ADAMTSL1: variants seen among roughly 807,000 people sequenced by gnomAD.
The protein encoded by ADAMTSL1 is ADAMTS-like protein 1.
Under a neutral mutation model 201.8 loss-of-function variants are expected in ADAMTSL1, and 126 were observed. The observed-to-expected ratio is 0.62, with a 90% CI of 0.54 to 0.72. The LOEUF (loss-of-function observed/expected upper bound fraction) is 0.72, where lower values mean the gene tolerates loss of function less well. ADAMTSL1 is among the 30% of genes least tolerant of loss of function. The pLI is 0.00. For missense variants in ADAMTSL1, 2,679 were observed against 2,277.8 expected (o/e 1.18, Z -3.59); for synonymous variants, 1,121 against 903.4 (o/e 1.24, Z -4.32).
chr9:18,696,855 CAT>C lies in ADAMTSL1; in HGVS notation c.1575-9891_1575-9890del, dbSNP rs1483245998. On this transcript the variant is annotated intron_variant, in intron 13 of 28. Transcript: ENST00000380548. ...GTCTCATGAAAATATAAAATAATCA[CAT>C]GTCAAAAATATTATTATTATTATTA... 9.1e-5 allele frequency among the ~76,000 whole-genome samples: 8 copies of C among 88,090 alleles called. No homozygotes were observed. The East Asian group carries it at 2.5e-3, about 27-fold the overall frequency. 57.8% of individuals were successfully genotyped at this position (88,090 alleles called of 152,430 possible). A position where few individuals can be genotyped will look rare whatever the true frequency, so the allele number is the denominator to read the frequency against.
Position 18,478,513 on chromosome 9 carries a change from T to C in ADAMTSL1, c.63+4218T>C, listed in dbSNP as rs116706960. On this transcript the variant is annotated intron_variant, in intron 1 of 28. Coordinates refer to ENST00000380548, the MANE Select transcript of ADAMTSL1 (RefSeq NM_001040272.6). ...GTTCTTTAATTCTTCATATTTTCAG[T>C]GATTCTTAAATTCATATGTGTAGTT... Among the ~76,000 whole-genome samples the C allele has an allele frequency of 9.8e-3, 1,492 of 152,304 alleles. 22 individuals carry two copies. The highest frequency in any genetic ancestry group is 0.034 in the African/African-American group (1,406 of 41,566).
intron 2 of ADAMTSL1, among the ~76,000 whole-genome samples, chr9:18,222,811 A>C (rs1453179697): frequency 2.0e-5 from 3 of 151,932 alleles, no homozygotes; most frequent in Non-Finnish European, 2.9e-5. Flanking sequence ...CTAATTCTTG[A>C]AAAGTAGTTT....
chr9:18,753,464 C>T lies in ADAMTSL1; in HGVS notation c.2173C>T (p.Arg725Cys), dbSNP rs375869565. 52 of 1,613,264 alleles carry T rather than the reference C, an allele frequency of 3.2e-5. No individual in the cohort carries two copies. Among genetic ancestry groups the T allele is most frequent in the East Asian group, 1.1e-4 (5 of 44,856 alleles). The change falls in exon 16 of 29, where the codon CGC becomes TGC. Residue 725 changes from arginine (R) to cysteine (C), a missense_variant. Physicochemically the swap from Arg to Cys is radical, Grantham distance 180. Transcript: ENST00000380548. ...PKPSTVQACNRFNCPPAWYPA... is the reference protein window; with the variant it reads ...PKPSTVQACNCFNCPPAWYPA... The stretch of plus-strand genomic sequence containing the variant: ...GCCCAGCACGGTGCAAGCTTGTAAC[C>T]GCTTTAATTGCCCCCCAGCCTGGTA...
intron 3 of ADAMTSL1, among the ~76,000 whole-genome samples, chr9:18,535,086 T>G (rs1006339584): frequency 2.0e-5 from 3 of 152,130 alleles, no homozygotes; most frequent in Non-Finnish European, 4.4e-5. Flanking sequence ...AGAAAAAAAT[T>G]TTTTCTATTT....
At chr9:18,699,603 T>G (rs916240960) in intron 13 of ADAMTSL1, among the ~76,000 whole-genome samples, 9 of 152,202 alleles carry the variant, frequency 5.9e-5, no homozygotes, top group African/African-American at 1.9e-4. Flanking sequence ...ATGCTGGGAT[T>G]ACAAGTGTGA....
In ADAMTSL1 at chr9:18,474,254, A is replaced by C; in HGVS notation, c.22A>C (p.Thr8Pro). 6.2e-7 allele frequency: 1 copy of C among 1,613,332 alleles called. No individual in the cohort carries two copies. The highest frequency in any genetic ancestry group is 1.3e-5 in the African/African-American group (1 of 74,724). The change falls in exon 1 of 29, where the codon ACT becomes CCT. Residue 8 changes from threonine to proline, a missense_variant. Physicochemically the swap from Thr to Pro is conservative, Grantham distance 38. Coordinates refer to ENST00000380548, the MANE Select transcript of ADAMTSL1 (RefSeq NM_001040272.6). MECCRRA[T>P]PGTLLLFLAF... ...AAGCATGGAATGCTGCCGTCGGGCAACTCCTGGCACACTGCTCCTCTTTCT... is the reference window on the plus strand; with the variant it reads ...AAGCATGGAATGCTGCCGTCGGGCACCTCCTGGCACACTGCTCCTCTTTCT...
chr9:18,177,382 G>A (rs1028539585), intron 2 of ADAMTSL1, among the ~76,000 whole-genome samples: 8 of 152,300 alleles, frequency 5.3e-5, no homozygotes, highest in African/African-American at 1.9e-4. Flanking sequence ...AATAATGCAT[G>A]ACACTGATGG....
chr9:18,548,425 T>A (rs1455180002), intron 3 of ADAMTSL1, among the ~76,000 whole-genome samples: 1 of 152,058 alleles, frequency 6.6e-6, no homozygotes, highest in Non-Finnish European at 1.5e-5. Context: ...TCAAGAAAGC[T>A]GTGATGTGCC....
At chr9:18,560,601 G>T (rs1821420462) in intron 3 of ADAMTSL1, among the ~76,000 whole-genome samples, 1 of 151,658 alleles carries the variant, frequency 6.6e-6, no homozygotes, top group Admixed American at 6.6e-5. Context: ...GCTCCTCTTT[G>T]TACCTCTGGT....
intron 2 of ADAMTSL1, among the ~76,000 whole-genome samples, chr9:18,332,117 A>G (rs554683298): frequency 1.8e-4 from 27 of 152,284 alleles, no homozygotes; most frequent in African/African-American, 6.3e-4. Context: ...GAGGCAAGGA[A>G]CAATTCTTCT....
chr9:18,399,178 G>A (rs1339767564), intron 2 of ADAMTSL1, among the ~76,000 whole-genome samples: 2 of 150,392 alleles, frequency 1.3e-5, no homozygotes, highest in Admixed American at 6.6e-5. Flanking sequence ...TGTAAATCAA[G>A]GGTTGAAGAA....
intron 2 of ADAMTSL1, among the ~76,000 whole-genome samples, chr9:18,325,538 G>A (rs1214216792): frequency 2.0e-5 from 3 of 152,140 alleles, no homozygotes; most frequent in African/African-American, 7.2e-5. Flanking sequence ...GTCTGTTTTT[G>A]CTGCTATAGC....
At chr9:18,387,707 TG>T (rs2133208287) in intron 2 of ADAMTSL1, among the ~76,000 whole-genome samples, 1 of 152,290 alleles carries the variant, frequency 6.6e-6, no homozygotes, top group African/African-American at 2.4e-5. Context: ...AACTATAAAA[TG>T]GTTTTTTAGA....
intron 1 of ADAMTSL1, among the ~76,000 whole-genome samples, chr9:18,040,407 G>C (rs1251781243): frequency 6.6e-6 from 1 of 152,188 alleles, no homozygotes; most frequent in Non-Finnish European, 1.5e-5. Flanking sequence ...TGTTCCTACT[G>C]ACTGGTTGGT....
At chr9:18,251,637 A>G (rs1440607621) in intron 2 of ADAMTSL1, among the ~76,000 whole-genome samples, 3 of 152,198 alleles carry the variant, frequency 2.0e-5, no homozygotes, top group Admixed American at 6.5e-5. Context: ...CTCACATGGA[A>G]GAAAAAGGGT....
intron 3 of ADAMTSL1, among the ~76,000 whole-genome samples, chr9:18,569,606 G>T (rs142731297): frequency 3.3e-5 from 5 of 152,138 alleles, no homozygotes; most frequent in African/African-American, 1.2e-4. Context: ...GGGGCTGGAT[G>T]TGGGAGTCTG....
intron 16 of ADAMTSL1, among the ~76,000 whole-genome samples, chr9:18,768,848 G>A (rs754858975): frequency 6.6e-5 from 10 of 152,142 alleles, no homozygotes; most frequent in Non-Finnish European, 1.3e-4. Flanking sequence ...TCCTTTCCAT[G>A]TTTATTACCA....
chr9:18,329,017 C>G (rs1460588733), intron 2 of ADAMTSL1, among the ~76,000 whole-genome samples: 1 of 152,132 alleles, frequency 6.6e-6, no homozygotes, highest in African/African-American at 2.4e-5. Flanking sequence ...TTACATCCCT[C>G]CAAAATTTCC....
intron 4 of ADAMTSL1, among the ~76,000 whole-genome samples, chr9:18,607,767 C>T (rs1173609783): frequency 2.0e-5 from 3 of 151,814 alleles, no homozygotes; most frequent in Non-Finnish European, 4.4e-5. Flanking sequence ...GCGATGTTCC[C>T]CTTCCTGTGT....
Sources: gnomAD v4.1 joint callset for allele counts (sites outside exome capture counted in the v4.1 genomes callset) on GRCh38, gnomAD v4.1.1 for gene constraint, MANE v1.5 for transcripts, NCBI Gene and HGNC (gene_info 2026-07-23, HGNC 2026-07-21) for gene names.